Variants in ACACA observed in about 807,000 individuals in gnomAD.
ACACA encodes acetyl-CoA carboxylase alpha.
ACACA carries 103 observed loss-of-function variants against 296.1 expected under a neutral mutation model. That is an observed-to-expected ratio of 0.35 (90% CI 0.30 to 0.41). The LOEUF (loss-of-function observed/expected upper bound fraction) is 0.41. Among genes scored for constraint, ACACA ranks in the 10% least tolerant of loss-of-function variants. ACACA has a pLI of 1.00. For missense variants in ACACA, 1,554 were observed against 2,989.7 expected (o/e 0.52, Z 11.20); for synonymous variants, 953 against 1,038.6 (o/e 0.92, Z 1.58).
rs184440419 is a variant in ACACA, at chr17:37,321,893, G to A, written c.338+8280C>T. Among the ~76,000 whole-genome samples the A allele has an allele frequency of 6.4e-3, 955 of 149,956 alleles. 8 individuals are homozygous for A. The highest frequency in any genetic ancestry group is 0.022 in the African/African-American group (899 of 40,668). ...CAGGAGGCGGAGGTTGCAGTAAGCC[G>A]AGATCGTGCCACTGCACCCAGCCTG... On this transcript the variant is annotated intron_variant, in intron 3 of 55. Transcript: ENST00000616317.
intron 1 of ACACA, chr17:37,359,150 G>A (rs1449748680): frequency 1.7e-5 from 17 of 985,030 alleles, no homozygotes; most frequent in Non-Finnish European, 1.8e-5. Flanking sequence ...GGGCTTCAGG[G>A]GCCTGACCCG....
At chr17:37,184,243 T>C (rs1218287835) in intron 39 of ACACA, among the ~76,000 whole-genome samples, 1 of 152,190 alleles carries the variant, frequency 6.6e-6, no homozygotes, top group African/African-American at 2.4e-5. Flanking sequence ...ATCACAAGCA[T>C]GTGGTCTTAG....
chr17:37,171,190 G>A (rs1293621551), intron 41 of ACACA, among the ~76,000 whole-genome samples: 3 of 152,132 alleles, frequency 2.0e-5, no homozygotes, highest in Non-Finnish European at 4.4e-5. Flanking sequence ...GGAAGAGTCT[G>A]TAAAACCTAT....
chr17:37,118,640 G>A (rs2074374206), intron 50 of ACACA, among the ~76,000 whole-genome samples: 1 of 152,166 alleles, frequency 6.6e-6, no homozygotes, highest in Admixed American at 6.5e-5. Context: ...TGTGTTACAG[G>A]AAGTCAGACA....
intron 3 of ACACA, among the ~76,000 whole-genome samples, chr17:37,290,324 C>A (rs890521465): frequency 2.0e-5 from 3 of 152,200 alleles, no homozygotes; most frequent in African/African-American, 4.8e-5. Flanking sequence ...GCTGGGATTA[C>A]AAGTGTGAGC....
chr17:37,359,133 A>AGGGGC, intron 1 of ACACA: 1 of 985,348 alleles, frequency 1.0e-6, no homozygotes, highest in East Asian at 1.1e-4. Flanking sequence ...CACACGGAGA[A>AGGGGC]GGGGCGGGGC....
chr17:37,371,611 C>T (rs752555930), intron 1 of ACACA, among the ~76,000 whole-genome samples: 4 of 151,912 alleles, frequency 2.6e-5, no homozygotes, highest in Non-Finnish European at 5.9e-5. Context: ...AATTAAAAAA[C>T]GGCCGCGGCC....
At chr17:37,289,741 T>C (rs921767529) in intron 3 of ACACA, among the ~76,000 whole-genome samples, 2 of 152,192 alleles carry the variant, frequency 1.3e-5, no homozygotes, top group African/African-American at 4.8e-5. Context: ...TCCAATTCAT[T>C]CTTCAAAATG....
At chr17:37,255,133 A>C (rs969718865) in intron 14 of ACACA, among the ~76,000 whole-genome samples, 63 of 151,964 alleles carry the variant, frequency 4.1e-4, no homozygotes, top group African/African-American at 1.5e-3. Flanking sequence ...GCTTGAGTTC[A>C]GGGAATGGTA....
At chr17:37,101,104 A>C (rs2073340474) in intron 52 of ACACA, among the ~76,000 whole-genome samples, 1 of 152,010 alleles carries the variant, frequency 6.6e-6, no homozygotes, top group African/African-American at 2.4e-5. Flanking sequence ...AAAAAAAAAA[A>C]AGGCAAGAGG....
At chr17:37,203,322 G>C (rs1363830861) in intron 33 of ACACA, among the ~76,000 whole-genome samples, 1 of 152,166 alleles carries the variant, frequency 6.6e-6, no homozygotes, top group Non-Finnish European at 1.5e-5. Flanking sequence ...AGGGCAACAA[G>C]AAGTGTCAAG....
chr17:37,295,288 G>C (rs984236182), intron 3 of ACACA, among the ~76,000 whole-genome samples: 1 of 152,280 alleles, frequency 6.6e-6, no homozygotes, highest in Admixed American at 6.5e-5. Context: ...AAAAGAGAGA[G>C]AGAGACTGAG....
chr17:37,217,818 T>TGCCTG (rs1213883057), intron 29 of ACACA, among the ~76,000 whole-genome samples: 1 of 148,536 alleles, frequency 6.7e-6, no homozygotes, highest in East Asian at 2.0e-4. Context: ...TGGTGGCACA[T>TGCCTG]GCCTGTAGTC....
At position 37,097,526 on chromosome 17, in the gene ACACA, T is replaced by G. The variant is rs1253829848; in HGVS notation, c.6720+304A>C. Among the ~76,000 whole-genome samples, 1 of 152,228 alleles carries G rather than the reference T, an allele frequency of 6.6e-6. No individual in the cohort carries two copies. Among genetic ancestry groups the G allele is most frequent in the East Asian group, 1.9e-4 (1 of 5,204 alleles). ...TATTAATTAGCTGCTGCGGGAGCCT[T>G]GACCCTATAGTAACCCACATCCTGA... On this transcript the variant is annotated intron_variant, in intron 53 of 55. Transcript: ENST00000616317. The surrounding 1 kb of genome is among the most constrained non-coding windows in gnomAD (Gnocchi z 4.8).
chr17:37,256,381 A>T (rs1276349297), intron 14 of ACACA, among the ~76,000 whole-genome samples: 2 of 152,178 alleles, frequency 1.3e-5, no homozygotes, highest in Non-Finnish European at 2.9e-5. Context: ...AGTTTTGAAG[A>T]ATGAGAAGAA....
intron 23 of ACACA, among the ~76,000 whole-genome samples, chr17:37,241,203 AT>A (rs67776629): frequency 0.022 from 3,306 of 150,898 alleles, 60 homozygotes; most frequent in East Asian, 0.047. Flanking sequence ...TCCAAAAAAA[AT>A]AAATAAATAA....
At chr17:37,365,414 AT>A (rs2049573161) in intron 1 of ACACA, 9 of 982,112 alleles carry the variant, frequency 9.2e-6, no homozygotes, top group Non-Finnish European at 1.1e-5. Context: ...TAAGCGCTTC[AT>A]TGACTGAAAT....
intron 1 of ACACA, among the ~76,000 whole-genome samples, chr17:37,364,100 G>A (rs984687254): frequency 5.3e-5 from 8 of 151,910 alleles, no homozygotes; most frequent in Non-Finnish European, 8.8e-5. Context: ...TCTAGCCTGG[G>A]TGACAGAGTG....
intron 29 of ACACA, among the ~76,000 whole-genome samples, chr17:37,215,055 T>A (rs1312465050): frequency 6.6e-6 from 1 of 152,148 alleles, no homozygotes; most frequent in Non-Finnish European, 1.5e-5. Context: ...AGCTGAACAT[T>A]GAGGATGGAT....
Sources: gnomAD v4.1 joint callset for allele counts (sites outside exome capture counted in the v4.1 genomes callset) on GRCh38, gnomAD v4.1.1 for gene constraint, Gnocchi (gnomAD v3.1) non-coding constraint, MANE v1.5 for transcripts, NCBI Gene and HGNC (gene_info 2026-07-23, HGNC 2026-07-21) for gene names.